PKIB: variants seen among roughly 807,000 people sequenced by gnomAD.
The protein encoded by PKIB is PKI-beta.
PKIB carries 2 observed loss-of-function variants against 4.5 expected under a neutral mutation model. That is an observed-to-expected ratio of 0.44 (90% confidence interval 0.18 to 1.39). PKIB has a LOEUF of 1.39. PKIB is among the 40% of genes most tolerant of loss of function. The pLI is 0.27. For missense variants in PKIB, 94 were observed against 92.6 expected (o/e 1.02, Z -0.06); for synonymous variants, 38 against 36.0 (o/e 1.06, Z -0.20).
At chr6:122,510,378 T>G (rs956135594) in intron 2 of PKIB, among the ~76,000 whole-genome samples, 2 of 152,248 alleles carry the variant, frequency 1.3e-5, no homozygotes, top group African/African-American at 4.8e-5. Context: ...ATTGTGGGAC[T>G]GTTTAACATA....
intron 1 of PKIB, among the ~76,000 whole-genome samples, chr6:122,610,830 G>T (rs78139130): frequency 0.014 from 2,181 of 152,302 alleles, 54 homozygotes; most frequent in African/African-American, 0.051. Flanking sequence ...ACTCTGCCCT[G>T]CAGGTGGCCA....
At chr6:122,557,235 G>A (rs2114665716) in intron 2 of PKIB, among the ~76,000 whole-genome samples, 1 of 152,196 alleles carries the variant, frequency 6.6e-6, no homozygotes, top group Admixed American at 6.5e-5. Context: ...ACAGGCTCAA[G>A]CAGATCTTCA....
intron 2 of PKIB, among the ~76,000 whole-genome samples, chr6:122,564,080 G>A (rs775158543): frequency 4.6e-5 from 7 of 152,098 alleles, no homozygotes; most frequent in Admixed American, 2.0e-4. Flanking sequence ...AGGTAAGGTC[G>A]GAAACTTCTC....
chr6:122,679,759 C>T (rs1777823561), intron 3 of PKIB, among the ~76,000 whole-genome samples: 1 of 152,132 alleles, frequency 6.6e-6, no homozygotes, highest in Non-Finnish European at 1.5e-5. Flanking sequence ...CTGATTTGTC[C>T]TGGGGCTCTT....
chr6:122,694,815 T>C (rs1393162272), intron 3 of PKIB, among the ~76,000 whole-genome samples: 2 of 152,140 alleles, frequency 1.3e-5, no homozygotes, highest in Non-Finnish European at 1.5e-5. Context: ...CAGGTCGAGG[T>C]GTACATAGCT....
At chr6:122,478,649 T>C (rs993536075) in intron 2 of PKIB, 1 of 152,156 alleles carries the variant, frequency 6.6e-6, no homozygotes, top group Admixed American at 6.5e-5. Flanking sequence ...GGAAATATCC[T>C]TTAAGAAGTA....
At chr6:122,602,595 A>T (rs1438834605) in intron 3 of PKIB, among the ~76,000 whole-genome samples, 1 of 152,106 alleles carries the variant, frequency 6.6e-6, no homozygotes, top group Non-Finnish European at 1.5e-5. Flanking sequence ...AAGACAAAAA[A>T]CAAACTAACA....
At chr6:122,586,670 C>T (rs942097571) in intron 3 of PKIB, among the ~76,000 whole-genome samples, 6 of 152,110 alleles carry the variant, frequency 3.9e-5, no homozygotes, top group Admixed American at 6.6e-5. Context: ...CTACTGACCC[C>T]TTCTTTATTT....
chr6:122,579,578 GC>G (rs1333368119), intron 2 of PKIB, among the ~76,000 whole-genome samples: 1 of 151,964 alleles, frequency 6.6e-6, no homozygotes, highest in Non-Finnish European at 1.5e-5. Context: ...TAGTAAAAAA[GC>G]AAAGTATTAT....
At chr6:122,531,788 A>C (rs1490663572) in intron 2 of PKIB, among the ~76,000 whole-genome samples, 1 of 152,198 alleles carries the variant, frequency 6.6e-6, no homozygotes, top group African/African-American at 2.4e-5. Context: ...CTAGACTGTG[A>C]ATTGCTTAAG....
chr6:122,577,200 A>G (rs972018923), intron 2 of PKIB, among the ~76,000 whole-genome samples: 1 of 152,244 alleles, frequency 6.6e-6, no homozygotes, highest in Admixed American at 6.5e-5. Flanking sequence ...GCCAAATAGT[A>G]TCATACGCAG....
At chr6:122,697,822 A>G (rs901734213) in intron 3 of PKIB, among the ~76,000 whole-genome samples, 1 of 152,138 alleles carries the variant, frequency 6.6e-6, no homozygotes, top group African/African-American at 2.4e-5. Context: ...CTTGGTAACA[A>G]TCTAGTGTCT....
At chr6:122,713,685 A>G (rs1172471832) in intron 3 of PKIB, among the ~76,000 whole-genome samples, 4 of 152,222 alleles carry the variant, frequency 2.6e-5, no homozygotes, top group African/African-American at 9.6e-5. Flanking sequence ...TTTCTGTGCT[A>G]GAATATCTGT....
At chr6:122,548,215 A>G (rs1772564502) in intron 2 of PKIB, among the ~76,000 whole-genome samples, 1 of 152,190 alleles carries the variant, frequency 6.6e-6, no homozygotes, top group Non-Finnish European at 1.5e-5. Context: ...CCCTTGACTC[A>G]TTTTCTGGTC....
intron 2 of PKIB, among the ~76,000 whole-genome samples, chr6:122,573,681 T>C (rs760362964): frequency 6.6e-6 from 1 of 151,954 alleles, no homozygotes; most frequent in Non-Finnish European, 1.5e-5. Context: ...AAAATAATTA[T>C]CTCAATAGAT....
intron 2 of PKIB, among the ~76,000 whole-genome samples, chr6:122,636,595 A>G (rs908598602): frequency 6.6e-6 from 1 of 152,132 alleles, no homozygotes; most frequent in African/African-American, 2.4e-5. Context: ...TTTATATTGT[A>G]TTCTTGGATG....
At chr6:122,632,548 A>G (rs1775743810) in intron 1 of PKIB, among the ~76,000 whole-genome samples, 1 of 152,194 alleles carries the variant, frequency 6.6e-6, no homozygotes, top group African/African-American at 2.4e-5. Flanking sequence ...GCTAATAACT[A>G]GTTTTTAAAT....
chr6:122,484,108 G>A (rs1639954579), intron 2 of PKIB: 1 of 148,264 alleles, frequency 6.7e-6, no homozygotes, highest in East Asian at 2.1e-4. Context: ...ACAATTGAAT[G>A]AATTAATGAA....
chr6:122,656,293 A>G (rs1296614613), intron 2 of PKIB, among the ~76,000 whole-genome samples: 1 of 152,236 alleles, frequency 6.6e-6, no homozygotes, highest in African/African-American at 2.4e-5. Context: ...TTCAGAGAAT[A>G]GTAACAATTC....
Sources: gnomAD v4.1 joint callset for allele counts (sites outside exome capture counted in the v4.1 genomes callset) on GRCh38, gnomAD v4.1.1 for gene constraint, MANE v1.5 for transcripts, NCBI Gene and HGNC (gene_info 2026-07-23, HGNC 2026-07-21) for gene names.